Variants in RAB3C observed in about 807,000 individuals in gnomAD.
RAB3C encodes ras-related protein Rab-3C.
A neutral mutation model predicts 26.4 loss-of-function variants in RAB3C; 17 were observed. That is an observed-to-expected ratio of 0.64 (90% CI 0.44 to 0.97). RAB3C has a LOEUF of 0.97. Among genes scored for constraint, RAB3C ranks in the 50% least tolerant of loss-of-function variants. RAB3C has a pLI of 0.00. For synonymous variants in RAB3C, 91 were observed against 95.9 expected (o/e 0.95, Z 0.30); for missense variants, 242 against 281.9 (o/e 0.86, Z 1.01).
chr5:58,829,105 G>A (rs192216991), intron 4 of RAB3C, among the ~76,000 whole-genome samples: 341 of 151,764 alleles, frequency 2.2e-3, no homozygotes, highest in Admixed American at 3.4e-3. Context: ...GGCTTTCACC[G>A]TGTTAGCCAG....
chr5:58,808,732 CTGCTACGTGGTGGA>C (rs2112036470), intron 3 of RAB3C, among the ~76,000 whole-genome samples: 1 of 152,280 alleles, frequency 6.6e-6, no homozygotes, highest in South Asian at 2.1e-4. Flanking sequence ...GAGTTATTTT[CTGCTACGTGGTGGA>C]TGCTCTTTCT....
intron 1 of RAB3C, among the ~76,000 whole-genome samples, chr5:58,603,492 G>A (rs1247763244): frequency 6.6e-6 from 1 of 151,956 alleles, no homozygotes; most frequent in African/African-American, 2.4e-5. Flanking sequence ...ACCCCTTGGG[G>A]GCTTTGTTCA....
chr5:58,809,573 A>C (rs1436583264), intron 3 of RAB3C, among the ~76,000 whole-genome samples: 1 of 152,186 alleles, frequency 6.6e-6, no homozygotes, highest in Non-Finnish European at 1.5e-5. Flanking sequence ...ATGCAGATTT[A>C]TGTGTCCCCA....
At chr5:58,828,769 G>A (rs993881169) in intron 4 of RAB3C, among the ~76,000 whole-genome samples, 5 of 152,166 alleles carry the variant, frequency 3.3e-5, no homozygotes, top group African/African-American at 9.7e-5. Flanking sequence ...TTTTTAACAA[G>A]CATTTTTGTG....
At chr5:58,833,324 T>TCTCACACACACACACACA (rs1554021454) in intron 4 of RAB3C, among the ~76,000 whole-genome samples, 110 of 141,150 alleles carry the variant, frequency 7.8e-4, no homozygotes, top group African/African-American at 2.7e-3. Flanking sequence ...ACGGACCCCA[T>TCTCACACACACACACACA]CACACACACA....
chr5:58,641,073 C>T (rs1456140869), intron 2 of RAB3C, among the ~76,000 whole-genome samples: 1 of 152,216 alleles, frequency 6.6e-6, no homozygotes, highest in African/African-American at 2.4e-5. Flanking sequence ...TGCAGGCTGA[C>T]TGTCATCACC....
At chr5:58,636,955 G>A (rs1283077583) in intron 2 of RAB3C, among the ~76,000 whole-genome samples, 1 of 152,074 alleles carries the variant, frequency 6.6e-6, no homozygotes, top group Non-Finnish European at 1.5e-5. Flanking sequence ...TATGAAAATT[G>A]GAAGCATGAA....
At chr5:58,793,264 T>C (rs1028346873) in intron 3 of RAB3C, among the ~76,000 whole-genome samples, 1 of 152,152 alleles carries the variant, frequency 6.6e-6, no homozygotes, top group Non-Finnish European at 1.5e-5. Flanking sequence ...TGTTTCCTAC[T>C]TTAAGAATTC....
Position 58,853,483 on chromosome 5 carries a change from T to C in RAB3C, c.*2132T>C, listed in dbSNP as rs1186561175. 1 of 152,148 alleles carries C rather than the reference T, an allele frequency of 6.6e-6. No homozygotes were observed. The highest frequency in any genetic ancestry group is 2.4e-5 in the African/African-American group (1 of 41,428). The allele number at this position is 152,148 out of a possible 1,614,324, so 9.4% of individuals were successfully genotyped here. A position where few individuals can be genotyped will look rare whatever the true frequency, so the allele number is the denominator to read the frequency against. On this transcript the variant is annotated 3_prime_UTR_variant, in exon 5 of 5. Transcript: ENST00000282878. ...AGGAAGGACCTTGATGTGTGTATTG[T>C]GGTAAAATGAAAAGCAAAATGAGAC...
chr5:58,799,096 T>C (rs373996150), intron 3 of RAB3C, among the ~76,000 whole-genome samples: 2 of 152,320 alleles, frequency 1.3e-5, no homozygotes, highest in East Asian at 1.9e-4. Context: ...CATATTCATG[T>C]TACAGTATTC....
In RAB3C at chr5:58,855,481, G is replaced by A. The variant is rs763028815; in HGVS notation, c.*4130G>A. 1 of 152,178 alleles carries A rather than the reference G, an allele frequency of 6.6e-6. No individual in the cohort carries two copies. Among genetic ancestry groups the A allele is most frequent in the Non-Finnish European group, 1.5e-5 (1 of 68,034 alleles). The allele number at this position is 152,178 out of a possible 1,614,324, so 9.4% of individuals were successfully genotyped here. On this transcript the variant is annotated 3_prime_UTR_variant, in exon 5 of 5. Transcript: ENST00000282878. ...GTTCCTTTGCGTGTATAGTCACTTAGTGTGCTGTCCGGGTGCCACATGAGC... is the reference window on the plus strand; with the variant it reads ...GTTCCTTTGCGTGTATAGTCACTTAATGTGCTGTCCGGGTGCCACATGAGC...
At chr5:58,609,721 T>C (rs140538192) in intron 1 of RAB3C, among the ~76,000 whole-genome samples, 1 of 152,198 alleles carries the variant, frequency 6.6e-6, no homozygotes, top group Non-Finnish European at 1.5e-5. Context: ...TGGCATACTA[T>C]TGTATACATT....
chr5:58,669,847 G>A (rs1187733854), intron 2 of RAB3C, among the ~76,000 whole-genome samples: 1 of 152,086 alleles, frequency 6.6e-6, no homozygotes, highest in Non-Finnish European at 1.5e-5. Flanking sequence ...TCATCATCCA[G>A]TTCCCATCAA....
chr5:58,800,164 G>A (rs1029742202), intron 3 of RAB3C, among the ~76,000 whole-genome samples: 2 of 152,228 alleles, frequency 1.3e-5, no homozygotes, highest in African/African-American at 4.8e-5. Flanking sequence ...ACAATTCTTT[G>A]GCATTTGAGC....
intron 2 of RAB3C, among the ~76,000 whole-genome samples, chr5:58,675,282 A>C (rs1748199301): frequency 6.6e-6 from 1 of 152,090 alleles, no homozygotes; most frequent in Non-Finnish European, 1.5e-5. Context: ...TATATCTCTA[A>C]AAAGAGAAAC....
chr5:58,717,802 C>T (rs1036131763), intron 2 of RAB3C, among the ~76,000 whole-genome samples: 1 of 152,042 alleles, frequency 6.6e-6, no homozygotes, highest in African/African-American at 2.4e-5. Context: ...TTCCTCAACC[C>T]TGCTGTCTCT....
chr5:58,785,659 T>C (rs1037971150), intron 3 of RAB3C, among the ~76,000 whole-genome samples: 7 of 152,176 alleles, frequency 4.6e-5, no homozygotes, highest in Non-Finnish European at 8.8e-5. Context: ...AAATAATGCC[T>C]CCACACAAGG....
Position 58,619,148 on chromosome 5 carries a change from GC to G in RAB3C, c.252+1279del, listed in dbSNP as rs543411494. Among the ~76,000 whole-genome samples the G allele has an allele frequency of 1.5e-3, 222 of 151,862 alleles. 8 individuals are homozygous for G. The South Asian group carries it at 0.045, about 31-fold the overall frequency. ...TACCTTCTTATGTAGCTTACAATAGGCTGTTACTATTTTACTTGTTCTAACT... is the reference window on the plus strand; with the variant it reads ...TACCTTCTTATGTAGCTTACAATAGGTGTTACTATTTTACTTGTTCTAACT... On this transcript the variant is annotated intron_variant, in intron 2 of 4. Transcript: ENST00000282878.
rs534168702 is a variant in RAB3C at position 58,767,128 on chromosome 5, T to A, written c.371+41008T>A. ...GCACCCAGGGAAAGCAAAATTCTGC[T>A]GGTGCTGTTAATTTCAGACAAAAAC... On this transcript the variant is annotated intron_variant, in intron 3 of 4. Transcript: ENST00000282878. 5.3e-5 allele frequency among the ~76,000 whole-genome samples: 8 copies of A among 152,298 alleles called. No individual in the cohort carries two copies. The South Asian group carries it at 1.4e-3, about 28-fold the overall frequency.
Sources: allele counts gnomAD v4.1 joint callset (sites outside exome capture counted in the v4.1 genomes callset), GRCh38; gene constraint gnomAD v4.1.1; transcripts MANE v1.5; gene names NCBI Gene and HGNC (gene_info 2026-07-23, HGNC 2026-07-21).